The following PDCD2L variants were observed in gnomAD, a reference collection of about 807,000 sequenced individuals.
PDCD2L encodes programmed cell death 2 like.
A neutral mutation model predicts 40.4 loss-of-function variants in PDCD2L; 44 were observed. The observed-to-expected ratio is 1.09, with a 90% CI of 0.86 to 1.40. PDCD2L has a LOEUF of 1.40. PDCD2L is among the 40% of genes most tolerant of loss of function. PDCD2L has a pLI of 0.00. For synonymous variants in PDCD2L, 194 were observed against 174.6 expected, an observed-to-expected ratio of 1.11 and a Z score of -0.88; for missense variants, 470 against 453.7, an observed-to-expected ratio of 1.04 and a Z score of -0.33.
Position 34,404,945 on chromosome 19 carries a change from C to T in PDCD2L, c.291C>T (p.Arg97=), listed in dbSNP as rs1434261946. 1 of 1,614,028 alleles carries T rather than the reference C, an allele frequency of 6.2e-7. No individual in the cohort carries two copies. Among genetic ancestry groups the T allele is most frequent in the Non-Finnish European group, 8.5e-7 (1 of 1,180,050 alleles). ...CACCCCGAAGCTGGAAGGTGTTCCGCTCCCAGTGCCTGCAGGTGCCAGAGA... is the reference window on the plus strand; with the variant it reads ...CACCCCGAAGCTGGAAGGTGTTCCGTTCCCAGTGCCTGCAGGTGCCAGAGA... ...TGGARSWKVF[R]SQCLQVPERE... Residue 97 remains arginine, a synonymous_variant, in exon 3 of 7, where the codon CGC becomes CGT. Transcript: ENST00000246535.
In PDCD2L at chr19:34,404,643, C is replaced by T. The variant is rs1312155266; in HGVS notation, c.109-6C>T. ...CGGGGTCTGAGCGCCTCCTCTGTCC[C>T]CTCAGGATGCTCTGCCCACCGTGGC... On this transcript the variant is annotated splice_polypyrimidine_tract_variant and splice_region_variant and intron_variant, in intron 1 of 6. Transcript: ENST00000246535. 1.2e-6 allele frequency: 2 copies of T among 1,609,766 alleles called. No individual in the cohort carries two copies. Among genetic ancestry groups the T allele is most frequent in the Non-Finnish European group, 8.5e-7 (1 of 1,179,354 alleles).
At chr19:34,421,345 C>T (rs1255546904) in intron 5 of PDCD2L, 174 bp from the exon 6 acceptor site, 17 of 724,626 alleles carry the variant, frequency 2.3e-5, no homozygotes, top group African/African-American at 1.1e-4. Context: ...GACTTTGAAT[C>T]GAACACTGAC....
intron 4 of PDCD2L, among the ~76,000 whole-genome samples, chr19:34,412,901 G>T (rs573895770): frequency 6.6e-6 from 1 of 151,944 alleles, no homozygotes; most frequent in African/African-American, 2.4e-5. Flanking sequence ...ACCATGCCCA[G>T]CTAATTTTTG....
chr19:34,412,771 T>C (rs2075109835), intron 4 of PDCD2L, among the ~76,000 whole-genome samples: 1 of 151,580 alleles, frequency 6.6e-6, no homozygotes, highest in Non-Finnish European at 1.5e-5. Context: ...TTTGACAGTT[T>C]TTTTTTTTTT....
chr19:34,411,174 T>C (rs2075101189), intron 4 of PDCD2L, among the ~76,000 whole-genome samples: 1 of 150,216 alleles, frequency 6.7e-6, no homozygotes, highest in Admixed American at 6.6e-5. Context: ...TTTTTTTTTT[T>C]TTTTTTTTAG....
chr19:34,409,512 T>TGA lies in PDCD2L; in HGVS notation c.686+4_686+5dup. The TGA allele has an allele frequency of 6.2e-7, 1 of 1,611,314 alleles. No individual in the cohort carries two copies. Among genetic ancestry groups the TGA allele is most frequent in the Non-Finnish European group, 8.5e-7 (1 of 1,178,338 alleles). On this transcript the variant is annotated splice_region_variant and intron_variant, in intron 4 of 6. Coordinates refer to ENST00000246535, the MANE Select transcript of PDCD2L (RefSeq NM_032346.2). ...CATGGATCAGTTGCTTTCCCAAAGG[T>TGA]GAGGATGTGTGCTGCTGAGGTTGAG...
intron 3 of PDCD2L, among the ~76,000 whole-genome samples, chr19:34,405,667 G>A (rs1456121365): frequency 2.0e-5 from 3 of 150,808 alleles, no homozygotes; most frequent in South Asian, 2.1e-4. Context: ...TTGGGAGGCC[G>A]AGGCGGGCGG....
chr19:34,404,902 C>T (rs1264792366), intron 2 of PDCD2L, 28 bp from the exon 3 acceptor site: 3 of 1,613,696 alleles, frequency 1.9e-6, no homozygotes, highest in Non-Finnish European at 8.5e-7. Context: ...GGGTGCAGCC[C>T]TCACGGCCCT....
At chr19:34,405,050 A>G (rs1377168653) in intron 3 of PDCD2L, 60 bp downstream of exon 3, 5 of 1,585,168 alleles carry the variant, frequency 3.2e-6, no homozygotes, top group Non-Finnish European at 3.4e-6. Flanking sequence ...TTTCCAGAGA[A>G]TAGTTTGGGG....
intron 5 of PDCD2L, among the ~76,000 whole-genome samples, chr19:34,415,819 C>T (rs1199661229): frequency 1.3e-5 from 2 of 152,194 alleles, no homozygotes; most frequent in African/African-American, 2.4e-5. Flanking sequence ...ACTAAGTTAT[C>T]TTTGCAGAGA....
chr19:34,409,621 A>G (rs1021366187), intron 4 of PDCD2L, 111 bp downstream of exon 4: 2 of 893,038 alleles, frequency 2.2e-6, no homozygotes, highest in Non-Finnish European at 3.4e-6. Flanking sequence ...CAGAACTTGT[A>G]TGTAGGACCT....
chr19:34,419,731 TTTTG>T (rs1220957811), intron 5 of PDCD2L, among the ~76,000 whole-genome samples: 1 of 149,326 alleles, frequency 6.7e-6, no homozygotes, highest in Admixed American at 6.7e-5. Flanking sequence ...TAGTTTACTA[TTTTG>T]TTCCTTTTTT....
At chr19:34,420,608 C>T (rs961760341) in intron 5 of PDCD2L, among the ~76,000 whole-genome samples, 3 of 151,570 alleles carry the variant, frequency 2.0e-5, no homozygotes, top group Admixed American at 1.3e-4. Flanking sequence ...GGCATTATAG[C>T]AAGACCCTGT....
At chr19:34,406,772 T>C (rs1244893904) in intron 3 of PDCD2L, among the ~76,000 whole-genome samples, 1 of 151,952 alleles carries the variant, frequency 6.6e-6, no homozygotes, top group Non-Finnish European at 1.5e-5. Context: ...AACTGAGGTT[T>C]TGTATTCTTT....
At chr19:34,422,634 T>C (rs2075157368) in intron 6 of PDCD2L, among the ~76,000 whole-genome samples, 1 of 151,984 alleles carries the variant, frequency 6.6e-6, no homozygotes, top group Non-Finnish European at 1.5e-5. Flanking sequence ...AATATGGTAA[T>C]TAAAAGTCTT....
At chr19:34,405,080 C>T in intron 3 of PDCD2L, 90 bp downstream of exon 3, 1 of 1,324,394 alleles carries the variant, frequency 7.6e-7, no homozygotes, top group South Asian at 1.3e-5. Flanking sequence ...AAGCCGTGTT[C>T]TTTGAAGTAC....
At chr19:34,413,390 G>T (rs1164230455) in intron 4 of PDCD2L, among the ~76,000 whole-genome samples, 3 of 145,664 alleles carry the variant, frequency 2.1e-5, no homozygotes, top group African/African-American at 7.8e-5. Flanking sequence ...GAGTGTAGTG[G>T]CATGGCACGA....
chr19:34,407,442 C>G (rs1390154800), intron 3 of PDCD2L, among the ~76,000 whole-genome samples: 1 of 152,140 alleles, frequency 6.6e-6, no homozygotes, highest in African/African-American at 2.4e-5. Context: ...CCTGGCCACT[C>G]CAGATTTCTT....
chr19:34,404,817 T>G lies in PDCD2L; in HGVS notation c.275+2T>G. ...CTGTAGCACCGGCGGTGCGCGCAGG[T>G]AGGCGGGGAAGTCCCAGAGCTGCTC... On this transcript the variant is annotated splice_donor_variant, in intron 2 of 6. Coordinates refer to ENST00000246535, the MANE Select transcript of PDCD2L (RefSeq NM_032346.2). LOFTEE classifies it high-confidence loss of function. 1 of 1,602,674 alleles carries G rather than the reference T, an allele frequency of 6.2e-7. No homozygotes were observed. Among genetic ancestry groups the G allele is most frequent in the Non-Finnish European group, 8.5e-7 (1 of 1,176,132 alleles).
Sources: gnomAD v4.1 joint callset for allele counts (sites outside exome capture counted in the v4.1 genomes callset) on GRCh38, gnomAD v4.1.1 for gene constraint, MANE v1.5 for transcripts, NCBI Gene and HGNC (gene_info 2026-07-23, HGNC 2026-07-21) for gene names.